The following RBFOX3 variants were observed in gnomAD, a reference collection of about 807,000 sequenced individuals.
RBFOX3 encodes the protein RNA binding protein fox-1 homolog 3.
Under a neutral mutation model 48.7 loss-of-function variants are expected in RBFOX3, and 17 were observed. That is an observed-to-expected ratio of 0.35 (90% CI 0.24 to 0.52). The LOEUF (loss-of-function observed/expected upper bound fraction) is 0.52. Among genes scored for constraint, RBFOX3 ranks in the 20% least tolerant of loss-of-function variants. The pLI is 0.94. For synonymous variants in RBFOX3, 212 were observed against 209.5 expected (o/e 1.01, Z -0.10); for missense variants, 382 against 497.5 (o/e 0.77, Z 2.21).
intron 2 of RBFOX3, among the ~76,000 whole-genome samples, chr17:79,334,617 A>G (rs968484726): frequency 3.3e-5 from 5 of 152,218 alleles, no homozygotes; most frequent in African/African-American, 1.2e-4. Context: ...CAGGAGGCTC[A>G]TGGGCCAACT....
chr17:79,619,841 ATCCTTT>A, the RBFOX3 span, among the ~76,000 whole-genome samples: 1 of 152,138 alleles, frequency 6.6e-6, no homozygotes, highest in African/African-American at 2.4e-5. Context: ...ACTGGAAAAC[ATCCTTT>A]TCAACAGCAA....
the RBFOX3 span, among the ~76,000 whole-genome samples, chr17:79,644,391 C>T: frequency 6.6e-6 from 1 of 152,214 alleles, no homozygotes; most frequent in Non-Finnish European, 1.5e-5. Flanking sequence ...ACTGACATAA[C>T]TCATGAATAT....
chr17:79,425,461 G>A (rs1027677860), intron 2 of RBFOX3, among the ~76,000 whole-genome samples: 7 of 152,216 alleles, frequency 4.6e-5, no homozygotes, highest in Non-Finnish European at 7.3e-5. Flanking sequence ...CCTCCCACCC[G>A]GACTGGAGCC....
chr17:79,220,902 C>A lies in RBFOX3; in HGVS notation c.-34+14864G>T, dbSNP rs927806148. 5.9e-5 allele frequency among the ~76,000 whole-genome samples: 9 copies of A among 152,060 alleles called. No homozygotes were observed. The highest frequency in any genetic ancestry group is 1.3e-4 in the Non-Finnish European group (9 of 68,010). ...GCAGAAGTTGAATGTGCATTGGGTG[C>A]AGCAGGGGTGAGAGGGTGGAGTGCA... On this transcript the variant is annotated intron_variant, in intron 4 of 14. Coordinates refer to ENST00000693108, the MANE Select transcript of RBFOX3 (RefSeq NM_001350451.2). This position sits in a 1 kb window ranked among gnomAD's most constrained non-coding sequence, Gnocchi z 5.9.
intron 1 of RBFOX3, among the ~76,000 whole-genome samples, chr17:79,489,624 T>G (rs1012404397): frequency 1.3e-5 from 2 of 152,138 alleles, no homozygotes; most frequent in Admixed American, 6.5e-5. Context: ...ACCATGGAAT[T>G]CTCCAAAGGT....
In RBFOX3 at chr17:79,363,893, C is replaced by T. The variant is rs1191382201; in HGVS notation, c.-174-56069G>A. ...CGGGCTCCTGCAGCCCCTAACTCTC[C>T]CCACCTCGTCCCCCTCACCCACTCC... On this transcript the variant is annotated intron_variant, in intron 2 of 14. Coordinates refer to ENST00000693108, the MANE Select transcript of RBFOX3 (RefSeq NM_001350451.2). The surrounding 1 kb of genome is among the most constrained non-coding windows in gnomAD (Gnocchi z 4.7). Among the ~76,000 whole-genome samples, 1 of 152,162 alleles carries T rather than the reference C, an allele frequency of 6.6e-6. No individual in the cohort carries two copies. Among genetic ancestry groups the T allele is most frequent in the African/African-American group, 2.4e-5 (1 of 41,432 alleles).
rs2086282769 is a variant in RBFOX3 at position 79,361,211 on chromosome 17, T to C, written c.-174-53387A>G. ...CCAGACCCACCCATCTGCAGACAAT[T>C]TCTCCTGGACCAATCCCATCCTCGG... On this transcript the variant is annotated intron_variant, in intron 2 of 14. Transcript: ENST00000693108. The surrounding 1 kb of genome is among the most constrained non-coding windows in gnomAD (Gnocchi z 4.5). 6.6e-6 allele frequency among the ~76,000 whole-genome samples: 1 copy of C among 152,052 alleles called. No homozygotes were observed. Among genetic ancestry groups the C allele is most frequent in the Admixed American group, 6.5e-5 (1 of 15,276 alleles).
intron 1 of RBFOX3, among the ~76,000 whole-genome samples, chr17:79,520,723 G>A (rs2085938356): frequency 6.6e-6 from 1 of 152,230 alleles, no homozygotes; most frequent in African/African-American, 2.4e-5. Context: ...AGAGCACAAG[G>A]GTGGGGTTCG....
intron 4 of RBFOX3, among the ~76,000 whole-genome samples, chr17:79,210,412 G>A (rs1424514819): frequency 1.3e-5 from 2 of 152,156 alleles, no homozygotes; most frequent in African/African-American, 2.4e-5. Flanking sequence ...GATATACAGA[G>A]ACGGCTTCCC....
At chr17:79,622,144 T>C in the RBFOX3 span, among the ~76,000 whole-genome samples, 2 of 152,148 alleles carry the variant, frequency 1.3e-5, no homozygotes, top group African/African-American at 4.8e-5. Context: ...CACATGTTAC[T>C]AGGTATACAC....
At chr17:79,092,345 A>G (rs2146117639) in intron 14 of RBFOX3, 1 of 985,566 alleles carries the variant, frequency 1.0e-6, no homozygotes, top group African/African-American at 1.7e-5. Flanking sequence ...CAAAGTCAAA[A>G]TAGGAAATCA....
intron 2 of RBFOX3, among the ~76,000 whole-genome samples, chr17:79,314,333 C>G (rs1043939679): frequency 2.6e-5 from 4 of 152,144 alleles, no homozygotes; most frequent in African/African-American, 9.7e-5. Context: ...ACAAACACAA[C>G]ACACCAGAGC....
At chr17:79,422,774 CT>C (rs2066657225) in intron 2 of RBFOX3, among the ~76,000 whole-genome samples, 1 of 152,182 alleles carries the variant, frequency 6.6e-6, no homozygotes, top group African/African-American at 2.4e-5. Flanking sequence ...CCTGACCCCC[CT>C]GTGTAGCTGC....
intron 1 of RBFOX3, among the ~76,000 whole-genome samples, chr17:79,501,171 G>A (rs1248750452): frequency 3.9e-5 from 6 of 152,214 alleles, no homozygotes; most frequent in Admixed American, 2.6e-4. Context: ...GGTCAAACCC[G>A]AAAGCTATTA....
chr17:79,229,191 C>T (rs1224967050), intron 4 of RBFOX3, among the ~76,000 whole-genome samples: 7 of 122,658 alleles, frequency 5.7e-5, no homozygotes, highest in East Asian at 2.5e-4. Context: ...ACTGTGCCAT[C>T]GCACTCCAGC....
intron 2 of RBFOX3, among the ~76,000 whole-genome samples, chr17:79,412,221 T>C (rs2064483423): frequency 6.7e-6 from 1 of 149,862 alleles, no homozygotes; most frequent in Admixed American, 6.6e-5. Context: ...GTGTGTCATG[T>C]ATGCATGTGT....
chr17:79,554,088 C>G (rs2091397085), intron 1 of RBFOX3, among the ~76,000 whole-genome samples: 1 of 152,140 alleles, frequency 6.6e-6, no homozygotes, highest in Non-Finnish European at 1.5e-5. Flanking sequence ...CTAACTTTTT[C>G]CAGAAAACAG....
At position 79,552,451 on chromosome 17, in the gene RBFOX3, T is replaced by C. The variant is rs1440290427; in HGVS notation, c.-320+58375A>G. On this transcript the variant is annotated intron_variant, in intron 1 of 14. Coordinates refer to ENST00000693108, the MANE Select transcript of RBFOX3 (RefSeq NM_001350451.2). ...CCTCTCCCAGCAGCATAATTTGCCA[T>C]AAGAATATCATTATCTAAGTTACAA... 3.3e-5 allele frequency among the ~76,000 whole-genome samples: 5 copies of C among 152,306 alleles called. No homozygotes were observed. In the South Asian group the frequency reaches 1.0e-3, roughly 32 times the overall value.
At chr17:79,192,095 T>C (rs2054635828) in intron 4 of RBFOX3, among the ~76,000 whole-genome samples, 1 of 152,146 alleles carries the variant, frequency 6.6e-6, no homozygotes, top group African/African-American at 2.4e-5. Flanking sequence ...GTCTCCTCCC[T>C]CTTGATCCTG....
Sources: gnomAD v4.1 joint callset for allele counts (sites outside exome capture counted in the v4.1 genomes callset) on GRCh38, gnomAD v4.1.1 for gene constraint, Gnocchi (gnomAD v3.1) non-coding constraint, MANE v1.5 for transcripts, NCBI Gene and HGNC (gene_info 2026-07-23, HGNC 2026-07-21) for gene names.